TOX2: variants seen among roughly 807,000 people sequenced by gnomAD.
The protein encoded by TOX2 is granulosa cell HMG box 1.
TOX2 carries 15 observed loss-of-function variants against 47.4 expected under a neutral mutation model. The observed-to-expected ratio is 0.32, with a 90% CI of 0.21 to 0.49. The LOEUF (loss-of-function observed/expected upper bound fraction) is 0.49. TOX2 is among the 20% of genes least tolerant of loss of function. The probability of loss-of-function intolerance (pLI) is 0.99; values close to 1 mark genes in which losing one functional copy is unlikely to be tolerated. For missense variants in TOX2, 622 were observed against 673.1 expected (o/e 0.92, Z 0.84); for synonymous variants, 290 against 296.6 (o/e 0.98, Z 0.23).
intron 3 of TOX2, among the ~76,000 whole-genome samples, chr20:44,036,597 A>G (rs1424420596): frequency 6.6e-6 from 1 of 152,218 alleles, no homozygotes; most frequent in Non-Finnish European, 1.5e-5. Flanking sequence ...ACACTCCACT[A>G]CCAGAAGGAT....
chr20:44,058,557 T>A (rs112586091), intron 5 of TOX2, among the ~76,000 whole-genome samples: 2,144 of 152,352 alleles, frequency 0.014, 45 homozygotes, highest in African/African-American at 0.044. Context: ...TGATGTGCTC[T>A]AGAAAGTGCT....
chr20:44,065,658 G>A lies in TOX2; in HGVS notation c.961-54G>A, dbSNP rs535881809. 29 of 1,531,454 alleles carry A rather than the reference G, an allele frequency of 1.9e-5. No homozygotes were observed. In the African/African-American group the frequency reaches 3.4e-4, roughly 18 times the overall value. The allele number at this position is 1,531,454 out of a possible 1,614,324, so 94.9% of individuals were successfully genotyped here. A position where few individuals can be genotyped will look rare whatever the true frequency, so the allele number is the denominator to read the frequency against. Reference sequence around the variant, plus strand: ...AGAGCCTCCTGGCCTCACAGCCCATGTTCTGGCTCATCCCTCTTCTGTTCT... The same window carrying A: ...AGAGCCTCCTGGCCTCACAGCCCATATTCTGGCTCATCCCTCTTCTGTTCT... On this transcript the variant is annotated intron_variant, in intron 6 of 8. Coordinates refer to ENST00000341197, the MANE Select transcript of TOX2 (RefSeq NM_001098797.2).
intron 3 of TOX2, chr20:44,039,037 T>A (rs980650477): frequency 1.1e-4 from 137 of 1,239,504 alleles, no homozygotes; most frequent in Non-Finnish European, 1.4e-4. Context: ...CTGGCTTCAC[T>A]TGGTTCCCAG....
At chr20:44,051,706 G>A (rs748068189) in intron 4 of TOX2, among the ~76,000 whole-genome samples, 161 bp downstream of exon 4, 8 of 152,192 alleles carry the variant, frequency 5.3e-5, no homozygotes, top group African/African-American at 7.2e-5. Flanking sequence ...GTTCCTGGTG[G>A]CGGTTGGGAT....
At chr20:44,066,905 G>A in intron 8 of TOX2, 48 bp downstream of exon 8, 1 of 1,582,124 alleles carries the variant, frequency 6.3e-7, no homozygotes, top group Non-Finnish European at 8.6e-7. Context: ...CAGGGAGAGT[G>A]GGAACAGGAT....
At chr20:44,006,821 T>A in intron 3 of TOX2, 29 bp downstream of exon 3, 1 of 1,604,524 alleles carries the variant, frequency 6.2e-7, no homozygotes, top group Non-Finnish European at 8.5e-7. Flanking sequence ...CTGCAGTTCC[T>A]GCTGATGACA....
rs759953916 is a variant in TOX2, at chr20:44,054,285, TCTCA to T, written c.652-10_652-7del. 10 of 1,595,172 alleles carry T rather than the reference TCTCA, an allele frequency of 6.3e-6. No individual in the cohort carries two copies. Among genetic ancestry groups the T allele is most frequent in the Middle Eastern group, 3.3e-4 (2 of 6,002 alleles). ...TGGGCTTCTTTGGTTTTCTGACTCTTCTCACTCGGGCAGATCTCGGGAGAAAAGA... is the reference window on the plus strand; with the variant it reads ...TGGGCTTCTTTGGTTTTCTGACTCTTCTCGGGCAGATCTCGGGAGAAAAGA... On this transcript the variant is annotated splice_polypyrimidine_tract_variant and intron_variant, in intron 4 of 8. Transcript: ENST00000341197.
intron 3 of TOX2, among the ~76,000 whole-genome samples, chr20:44,050,288 G>T (rs1444577302): frequency 1.3e-5 from 2 of 152,102 alleles, no homozygotes. Flanking sequence ...TAAAGACAAA[G>T]AATTAGAAAA....
In TOX2 at chr20:43,945,919, C is replaced by G. The variant is rs751555431; in HGVS notation, c.100-27448C>G. ...TCCTCTTTCTCTGCTGATTATGCAG[C>G]AGACTCGCACAGAGGCTGTCGCGGG... is the stretch of plus-strand genomic sequence containing the variant. On this transcript the variant is annotated intron_variant, in intron 1 of 8. Transcript: ENST00000341197. 6.8e-6 allele frequency: 11 copies of G among 1,612,958 alleles called. No individual in the cohort carries two copies. The East Asian group carries it at 1.6e-4, about 23-fold the overall frequency.
intron 3 of TOX2, among the ~76,000 whole-genome samples, chr20:44,018,070 C>G (rs140259368): frequency 6.6e-5 from 10 of 152,324 alleles, no homozygotes; most frequent in African/African-American, 2.4e-4. Context: ...AGGGGACTGT[C>G]CCGGCACCGA....
intron 2 of TOX2, among the ~76,000 whole-genome samples, chr20:43,990,995 T>C (rs2070358503): frequency 6.6e-6 from 1 of 152,258 alleles, no homozygotes; most frequent in Non-Finnish European, 1.5e-5. Flanking sequence ...TTTTTGCTGC[T>C]TTTAAAATCA....
At chr20:44,010,675 G>C (rs1450373108) in intron 3 of TOX2, among the ~76,000 whole-genome samples, 1 of 152,182 alleles carries the variant, frequency 6.6e-6, no homozygotes, top group Non-Finnish European at 1.5e-5. Context: ...GTTAACACCT[G>C]CTGGGTTTCA....
intron 1 of TOX2, among the ~76,000 whole-genome samples, chr20:43,923,996 G>C (rs547648584): frequency 2.0e-5 from 3 of 152,168 alleles, no homozygotes; most frequent in Admixed American, 6.5e-5. Context: ...GCATCATCTG[G>C]TCATTTCAGC....
At chr20:44,033,099 A>G (rs988176571) in intron 3 of TOX2, among the ~76,000 whole-genome samples, 1 of 152,200 alleles carries the variant, frequency 6.6e-6, no homozygotes, top group Non-Finnish European at 1.5e-5. Flanking sequence ...AGACATCTAC[A>G]TTTCAGGAGA....
intron 1 of TOX2, among the ~76,000 whole-genome samples, chr20:43,919,116 C>G (rs901773555): frequency 2.0e-5 from 3 of 152,170 alleles, no homozygotes; most frequent in Admixed American, 2.0e-4. Flanking sequence ...GCAAACTTCT[C>G]TTTCTTTCCA....
chr20:44,028,898 A>T (rs1421475446), intron 3 of TOX2, among the ~76,000 whole-genome samples: 4 of 152,212 alleles, frequency 2.6e-5, no homozygotes, highest in Non-Finnish European at 5.9e-5. Context: ...TGTCCATGAC[A>T]TCTGCCCCAT....
chr20:44,066,177 A>C, intron 7 of TOX2, 70 bp downstream of exon 7: 2 of 1,432,328 alleles, frequency 1.4e-6, no homozygotes. Flanking sequence ...GCCCTTTCAA[A>C]CCCTGGCCCT....
chr20:44,038,718 C>G (rs562133846), intron 3 of TOX2, among the ~76,000 whole-genome samples: 1 of 151,894 alleles, frequency 6.6e-6, no homozygotes, highest in Non-Finnish European at 1.5e-5. Context: ...CTTCGGAGGA[C>G]GCAGGGTGGC....
chr20:44,060,172 T>C (rs1455343282), intron 5 of TOX2, among the ~76,000 whole-genome samples: 6 of 152,200 alleles, frequency 3.9e-5, no homozygotes, highest in Admixed American at 3.9e-4. Context: ...GGACATTATA[T>C]AATAAAACTA....
Sources: gnomAD v4.1 joint callset for allele counts (sites outside exome capture counted in the v4.1 genomes callset) on GRCh38, gnomAD v4.1.1 for gene constraint, MANE v1.5 for transcripts, NCBI Gene and HGNC (gene_info 2026-07-23, HGNC 2026-07-21) for gene names.